The following CPED1 variants were observed in gnomAD, a reference collection of about 807,000 sequenced individuals.
The protein encoded by CPED1 is cadherin like and PC-esterase domain containing 1.
In CPED1, 114 loss-of-function variants were observed where a neutral mutation model predicts 128.2. That is an observed-to-expected ratio of 0.89 (90% CI 0.76 to 1.04). The LOEUF is 1.04. Ranked by LOEUF, CPED1 falls within the 50% of genes least tolerant of loss-of-function variation. The pLI is 0.00. For missense variants in CPED1, 1,211 were observed against 1,207.1 expected, an observed-to-expected ratio of 1.00 and a Z score of -0.05; for synonymous variants, 462 against 426.7, an observed-to-expected ratio of 1.08 and a Z score of -1.02.
chr7:121,101,886 A>G (rs1277491373), intron 7 of CPED1, among the ~76,000 whole-genome samples: 1 of 151,876 alleles, frequency 6.6e-6, no homozygotes, highest in African/African-American at 2.4e-5. Context: ...CAACCCAAAT[A>G]CCTCCCAGCA....
Position 121,243,967 on chromosome 7 carries a change from T to C in CPED1, c.2174-235T>C, listed in dbSNP as rs140081659. Among the ~76,000 whole-genome samples, 790 of 152,334 alleles carry C rather than the reference T, an allele frequency of 5.2e-3. 7 individuals are homozygous for C. Among genetic ancestry groups the C allele is most frequent in the African/African-American group, 0.018 (756 of 41,570 alleles). ...GATTTTTAATAAGTATAAGGTTTCA[T>C]GGAACAGAGCTCATACTTGATTTTA... On this transcript the variant is annotated intron_variant, in intron 17 of 22. Coordinates refer to ENST00000310396, the MANE Select transcript of CPED1 (RefSeq NM_024913.5).
At chr7:121,118,355 G>C (rs930910409) in intron 7 of CPED1, among the ~76,000 whole-genome samples, 1 of 152,138 alleles carries the variant, frequency 6.6e-6, no homozygotes, top group Non-Finnish European at 1.5e-5. Context: ...GAGGTCAGGA[G>C]TTCGAGAACA....
At chr7:121,030,561 T>C (rs1764052651) in intron 3 of CPED1, among the ~76,000 whole-genome samples, 1 of 152,200 alleles carries the variant, frequency 6.6e-6, no homozygotes, top group Non-Finnish European at 1.5e-5. Context: ...GTAGCCTTCT[T>C]ATTTATCAGA....
At chr7:121,017,480 A>G (rs1472053715) in intron 3 of CPED1, among the ~76,000 whole-genome samples, 1 of 152,216 alleles carries the variant, frequency 6.6e-6, no homozygotes, top group East Asian at 1.9e-4. Context: ...CTTTCATTCA[A>G]CAAAATATTT....
chr7:121,182,732 C>T (rs538555282), intron 16 of CPED1, among the ~76,000 whole-genome samples: 37 of 152,088 alleles, frequency 2.4e-4, no homozygotes, highest in African/African-American at 8.4e-4. Flanking sequence ...TTCTAGTCCT[C>T]CGCTTGCTAT....
intron 17 of CPED1, among the ~76,000 whole-genome samples, chr7:121,242,642 C>T (rs1798423817): frequency 6.6e-6 from 1 of 152,104 alleles, no homozygotes; most frequent in South Asian, 2.1e-4. Flanking sequence ...CTGTAATCCT[C>T]ATTACATGTA....
intron 2 of CPED1, among the ~76,000 whole-genome samples, chr7:121,003,858 C>T (rs1407473372): frequency 1.3e-5 from 2 of 152,074 alleles, no homozygotes; most frequent in South Asian, 2.1e-4. Flanking sequence ...AAGAAGGCCA[C>T]GGAGAGTGAA....
chr7:121,112,546 A>T (rs1380244472), intron 7 of CPED1, among the ~76,000 whole-genome samples: 1 of 152,224 alleles, frequency 6.6e-6, no homozygotes, highest in Non-Finnish European at 1.5e-5. Flanking sequence ...GAACGTGGCC[A>T]TGTGGACATC....
At chr7:121,183,635 T>G (rs1796942971) in intron 16 of CPED1, among the ~76,000 whole-genome samples, 1 of 152,202 alleles carries the variant, frequency 6.6e-6, no homozygotes. Flanking sequence ...TTAGATTATG[T>G]GAAATACCTC....
At chr7:121,013,028 C>T (rs1331175940) in intron 2 of CPED1, among the ~76,000 whole-genome samples, 3 of 152,136 alleles carry the variant, frequency 2.0e-5, no homozygotes, top group Non-Finnish European at 2.9e-5. Context: ...TAGAGAGGAG[C>T]ATCCTGTGAT....
chr7:121,192,005 G>A (rs1372042161), intron 16 of CPED1, among the ~76,000 whole-genome samples: 1 of 152,102 alleles, frequency 6.6e-6, no homozygotes, highest in African/African-American at 2.4e-5. Flanking sequence ...ATCTTGTGCA[G>A]TGATCCCATT....
chr7:120,997,628 G>C lies in CPED1; in HGVS notation c.249+7758G>C, dbSNP rs150863973. On this transcript the variant is annotated intron_variant, in intron 2 of 22. Coordinates refer to ENST00000310396, the MANE Select transcript of CPED1 (RefSeq NM_024913.5). ...CTAATCCAATATGACTGGTGTTATA[G>C]GAAGGCAGTAGATGGGGCGTGGTGG... Among the ~76,000 whole-genome samples the C allele has an allele frequency of 1.5e-3, 227 of 152,246 alleles. 1 individual carries two copies. The highest frequency in any genetic ancestry group is 5.7e-4 in the Non-Finnish European group (39 of 68,004).
At chr7:121,199,062 A>T (rs1797330125) in intron 16 of CPED1, among the ~76,000 whole-genome samples, 1 of 152,158 alleles carries the variant, frequency 6.6e-6, no homozygotes, top group African/African-American at 2.4e-5. Context: ...AATTCACAGA[A>T]ATGGCAGCGT....
chr7:121,058,448 A>G (rs916044486), intron 4 of CPED1, among the ~76,000 whole-genome samples: 1 of 152,176 alleles, frequency 6.6e-6, no homozygotes, highest in African/African-American at 2.4e-5. Context: ...AAAGGTATAA[A>G]TGACAAATAA....
chr7:121,290,289 G>T (rs181315185), intron 22 of CPED1, among the ~76,000 whole-genome samples: 22 of 152,302 alleles, frequency 1.4e-4, no homozygotes, highest in African/African-American at 5.3e-4. Context: ...TGTCTTTTTA[G>T]TAGAATGATT....
intron 2 of CPED1, among the ~76,000 whole-genome samples, chr7:121,003,789 T>G (rs1443415586): frequency 6.6e-6 from 1 of 152,070 alleles, no homozygotes; most frequent in African/African-American, 2.4e-5. Flanking sequence ...CCCAGGGTTG[T>G]CTCAAAGGAG....
chr7:121,289,155 C>T (rs1025865209), intron 22 of CPED1, among the ~76,000 whole-genome samples: 1 of 152,180 alleles, frequency 6.6e-6, no homozygotes, highest in Admixed American at 6.6e-5. Context: ...TTCCTCACTA[C>T]AACCTCCTGA....
At chr7:121,142,172 G>C in intron 16 of CPED1, 31 bp downstream of exon 16, 2 of 1,554,172 alleles carry the variant, frequency 1.3e-6, no homozygotes, top group Non-Finnish European at 1.8e-6. Flanking sequence ...CACTTGGGTT[G>C]AATTGGGAAT....
chr7:121,200,537 T>A (rs2116561759), intron 16 of CPED1, among the ~76,000 whole-genome samples: 1 of 152,242 alleles, frequency 6.6e-6, no homozygotes, highest in East Asian at 1.9e-4. Context: ...TCTGGGAGCC[T>A]TTTTGGGAAT....
Sources: allele counts gnomAD v4.1 joint callset (sites outside exome capture counted in the v4.1 genomes callset), GRCh38; gene constraint gnomAD v4.1.1; transcripts MANE v1.5; gene names NCBI Gene and HGNC (gene_info 2026-07-23, HGNC 2026-07-21).